Variants in PLEKHA1 observed in about 807,000 individuals in gnomAD.
PLEKHA1 encodes the protein pleckstrin homology domain-containing family A member 1.
PLEKHA1 carries 34 observed loss-of-function variants against 52.0 expected under a neutral mutation model. That is an observed-to-expected ratio of 0.65 (90% confidence interval 0.50 to 0.87). PLEKHA1 has a LOEUF of 0.87. Ranked by LOEUF, PLEKHA1 falls within the 40% of genes least tolerant of loss-of-function variation. PLEKHA1 has a pLI of 0.00. For synonymous variants in PLEKHA1, 163 were observed against 170.7 expected (o/e 0.95, Z 0.35); for missense variants, 497 against 504.2 (o/e 0.99, Z 0.14).
rs202206348 is a variant in PLEKHA1 at position 122,388,808 on chromosome 10, G to A, written c.-20-4373G>A. Among the ~76,000 whole-genome samples, 29 of 152,310 alleles carry A rather than the reference G, an allele frequency of 1.9e-4. No individual in the cohort carries two copies. The East Asian group carries it at 5.6e-3, about 29-fold the overall frequency. ...ACTGATTAGGATAGTGGTTGCTGAA[G>A]GTAGGGGTGGCTGTGGCATTTCAAG... On this transcript the variant is annotated intron_variant, in intron 1 of 11. Transcript: ENST00000368990.
intron 1 of PLEKHA1, among the ~76,000 whole-genome samples, chr10:122,379,290 G>A (rs375200391): frequency 5.9e-5 from 9 of 152,280 alleles, no homozygotes; most frequent in Non-Finnish European, 1.3e-4. Flanking sequence ...ATCCAGGTAC[G>A]CTGTGGTTTC....
chr10:122,437,177 C>T (rs2097441609), downstream of PLEKHA1: 1 of 151,948 alleles, frequency 6.6e-6, no homozygotes, highest in Admixed American at 6.6e-5. Flanking sequence ...TCACTCATGC[C>T]ATTTTTTCTT....
chr10:122,393,305 A>T lies in PLEKHA1; in HGVS notation c.105A>T (p.Arg35Ser). 6.2e-7 allele frequency: 1 copy of T among 1,612,522 alleles called. No homozygotes were observed. The highest frequency in any genetic ancestry group is 8.5e-7 in the Non-Finnish European group (1 of 1,179,288). ...GAAGGTACTTCATACTGGATACCAG[A>T]GAAGATAGTTTCGTGTGGTACATGG... is the stretch of plus-strand genomic sequence containing the variant. ...FLRRYFILDT[R>S]EDSFVWYMDN... The change falls in exon 2 of 12, where the codon AGA becomes AGT. Residue 35 changes from arginine (R) to serine (S), a missense_variant. By Grantham distance (110) the Arg-to-Ser change is moderately radical. Transcript: ENST00000368990. This position sits in a 1 kb window ranked among gnomAD's most constrained non-coding sequence, Gnocchi z 4.5.
chr10:122,389,534 T>C (rs1302589548), intron 1 of PLEKHA1, among the ~76,000 whole-genome samples: 1 of 152,184 alleles, frequency 6.6e-6, no homozygotes, highest in African/African-American at 2.4e-5. Flanking sequence ...ACCCTGTTTC[T>C]ACTAAAAATA....
intron 1 of PLEKHA1, among the ~76,000 whole-genome samples, chr10:122,383,032 T>G (rs1412109462): frequency 6.6e-6 from 1 of 152,218 alleles, no homozygotes; most frequent in Non-Finnish European, 1.5e-5. Flanking sequence ...CTCATCAGTA[T>G]AGTGTGTTGT....
chr10:122,400,645 A>G (rs531423773), intron 4 of PLEKHA1, among the ~76,000 whole-genome samples: 6 of 152,242 alleles, frequency 3.9e-5, no homozygotes, highest in Non-Finnish European at 8.8e-5. Context: ...TTTGGCATTT[A>G]TAATGATCAC....
At chr10:122,382,928 A>G (rs1175889221) in intron 1 of PLEKHA1, among the ~76,000 whole-genome samples, 2 of 152,198 alleles carry the variant, frequency 1.3e-5, no homozygotes. Flanking sequence ...ATAAAAGCAT[A>G]TATGATTTTG....
chr10:122,388,114 A>G (rs921479251), intron 1 of PLEKHA1: 2 of 152,190 alleles, frequency 1.3e-5, no homozygotes, highest in Admixed American at 1.3e-4. Flanking sequence ...ACTATCACCT[A>G]TATCTACTGT....
chr10:122,401,817 A>G (rs534470815), intron 4 of PLEKHA1, among the ~76,000 whole-genome samples: 3 of 152,308 alleles, frequency 2.0e-5, no homozygotes, highest in South Asian at 4.1e-4. Context: ...AGACTTTCAC[A>G]TTAAAGTGAG....
intron 9 of PLEKHA1, 66 bp from the exon 10 acceptor site, chr10:122,424,828 GGT>G (rs1336611646): frequency 1.5e-6 from 2 of 1,347,730 alleles, no homozygotes; most frequent in Non-Finnish European, 2.1e-6. Context: ...CTGGGTACTG[GGT>G]AAACAAATGA....
At chr10:122,407,934 T>G (rs903877483) in intron 5 of PLEKHA1, among the ~76,000 whole-genome samples, 1 of 152,234 alleles carries the variant, frequency 6.6e-6, no homozygotes, top group African/African-American at 2.4e-5. Flanking sequence ...AAAGCTGTTC[T>G]CAGAGTTTAG....
chr10:122,416,283 A>G (rs965414808), intron 7 of PLEKHA1, among the ~76,000 whole-genome samples: 16 of 152,176 alleles, frequency 1.1e-4, no homozygotes, highest in African/African-American at 1.9e-4. Context: ...AAGTGTTTCT[A>G]TTCATCTTTA....
At chr10:122,425,187 G>A in intron 10 of PLEKHA1, 1 of 351,332 alleles carries the variant, frequency 2.8e-6, no homozygotes, top group Non-Finnish European at 5.1e-6. Context: ...AGTATTTAGA[G>A]AAAGGGAAAT....
intron 5 of PLEKHA1, among the ~76,000 whole-genome samples, chr10:122,407,764 G>T (rs750044704): frequency 6.6e-6 from 1 of 151,630 alleles, no homozygotes; most frequent in Admixed American, 6.6e-5. Context: ...TTTTGTTTTT[G>T]TTTTTTTTAA....
intron 4 of PLEKHA1, among the ~76,000 whole-genome samples, chr10:122,400,706 T>C (rs2096916066): frequency 6.6e-6 from 1 of 152,242 alleles, no homozygotes; most frequent in South Asian, 2.1e-4. Context: ...TGTTATTCTA[T>C]ATTAAACATA....
chr10:122,392,625 C>T (rs1192770953), intron 1 of PLEKHA1, among the ~76,000 whole-genome samples: 2 of 151,996 alleles, frequency 1.3e-5, no homozygotes, highest in African/African-American at 4.8e-5. Flanking sequence ...GACTCTTGGC[C>T]TACTAGTTTT....
At chr10:122,421,381 C>G (rs966972895) in intron 8 of PLEKHA1, 4 of 152,092 alleles carry the variant, frequency 2.6e-5, no homozygotes, top group African/African-American at 9.7e-5. Context: ...GGAACTGTTC[C>G]AGACTGAGGG....
chr10:122,400,703 C>G (rs1279613202), intron 4 of PLEKHA1, among the ~76,000 whole-genome samples: 1 of 152,092 alleles, frequency 6.6e-6, no homozygotes, highest in Non-Finnish European at 1.5e-5. Context: ...TCATGTTATT[C>G]TATATTAAAC....
At chr10:122,380,018 A>G (rs548190156) in intron 1 of PLEKHA1, among the ~76,000 whole-genome samples, 4 of 152,352 alleles carry the variant, frequency 2.6e-5, no homozygotes, top group African/African-American at 9.6e-5. Context: ...GCATGTTAAT[A>G]ATATAATTGT....
Sources: gnomAD v4.1 joint callset for allele counts (sites outside exome capture counted in the v4.1 genomes callset) on GRCh38, gnomAD v4.1.1 for gene constraint, Gnocchi (gnomAD v3.1) non-coding constraint, MANE v1.5 for transcripts, NCBI Gene and HGNC (gene_info 2026-07-23, HGNC 2026-07-21) for gene names.